The following LECT2 variants were observed in gnomAD, a reference collection of about 807,000 sequenced individuals.
LECT2 encodes the protein leukocyte cell derived chemotaxin 2.
LECT2 carries 11 observed loss-of-function variants against 16.6 expected under a neutral mutation model. The observed-to-expected ratio is 0.66, with a 90% CI of 0.42 to 1.09. The LOEUF is 1.09. LECT2 is among the 50% of genes least tolerant of loss of function. The pLI is 0.00. For missense variants in LECT2, 173 were observed against 184.2 expected, an observed-to-expected ratio of 0.94 and a Z score of 0.35; for synonymous variants, 54 against 64.8, an observed-to-expected ratio of 0.83 and a Z score of 0.80.
At chr5:135,953,204 CA>C in intron 1 of LECT2, 11 of 428,838 alleles carry the variant, frequency 2.6e-5, no homozygotes, top group South Asian at 5.9e-5. Flanking sequence ...TCAGTGAATA[CA>C]ATTTTTTTTT....
intron 3 of LECT2, among the ~76,000 whole-genome samples, chr5:135,949,809 G>C (rs1319772905): frequency 6.6e-6 from 1 of 152,164 alleles, no homozygotes; most frequent in Non-Finnish European, 1.5e-5. Flanking sequence ...ATCAGACCTG[G>C]AGCATTTCCA....
intron 1 of LECT2, among the ~76,000 whole-genome samples, chr5:135,954,401 A>T (rs1763832937): frequency 6.6e-6 from 1 of 152,232 alleles, no homozygotes; most frequent in African/African-American, 2.4e-5. Context: ...TAAGGGAGCC[A>T]TCCCTTTGTC....
intron 3 of LECT2, 51 bp downstream of exon 3, chr5:135,951,172 A>C: frequency 6.5e-7 from 1 of 1,538,168 alleles, no homozygotes; most frequent in Non-Finnish European, 9.0e-7. Context: ...TAAATAAATG[A>C]GCATCAACAT....
intron 2 of LECT2, among the ~76,000 whole-genome samples, chr5:135,952,073 T>C (rs1763803790): frequency 6.6e-6 from 1 of 152,212 alleles, no homozygotes; most frequent in African/African-American, 2.4e-5. Context: ...CTGAGCAAGC[T>C]CAAGAGCCAA....
chr5:135,948,597 TTAAA>T (rs1393199934), intron 3 of LECT2, among the ~76,000 whole-genome samples: 6 of 151,276 alleles, frequency 4.0e-5, no homozygotes, highest in Non-Finnish European at 5.9e-5. Context: ...AAATATTGAG[TTAAA>T]TAAAATACTA....
intron 3 of LECT2, chr5:135,950,828 C>T: frequency 4.1e-6 from 1 of 245,826 alleles, no homozygotes; most frequent in Non-Finnish European, 7.7e-6. Flanking sequence ...GGAATGCCTC[C>T]AATCAGCTGT....
chr5:135,953,613 G>T (rs1026142827), intron 1 of LECT2, among the ~76,000 whole-genome samples: 3 of 152,146 alleles, frequency 2.0e-5, no homozygotes, highest in African/African-American at 7.2e-5. Flanking sequence ...CTGCCATGGG[G>T]ATCATTATTT....
At chr5:135,950,593 A>T (rs1273746103) in intron 3 of LECT2, among the ~76,000 whole-genome samples, 1 of 151,650 alleles carries the variant, frequency 6.6e-6, no homozygotes, top group Non-Finnish European at 1.5e-5. Flanking sequence ...TTATACCTTG[A>T]TGGAGTAACC....
chr5:135,949,893 G>A (rs1051875010), intron 3 of LECT2, among the ~76,000 whole-genome samples: 9 of 152,220 alleles, frequency 5.9e-5, no homozygotes, highest in Admixed American at 5.9e-4. Flanking sequence ...TTACTAGCCA[G>A]TGTCACAAAT....
chr5:135,951,907 T>C (rs142283893), intron 2 of LECT2, among the ~76,000 whole-genome samples: 167 of 152,318 alleles, frequency 1.1e-3, no homozygotes, highest in African/African-American at 3.8e-3. Context: ...CTATTCTAGA[T>C]TGTGACGTGC....
intron 2 of LECT2, among the ~76,000 whole-genome samples, chr5:135,952,421 C>G (rs534075014): frequency 1.5e-4 from 23 of 152,280 alleles, no homozygotes; most frequent in African/African-American, 4.1e-4. Context: ...CATCCAGAGC[C>G]TGAGCCAGTA....
In LECT2 at chr5:135,954,655, T is replaced by C. The variant is rs565134635; in HGVS notation, c.46+133A>G. 3 of 660,174 alleles carry C rather than the reference T, an allele frequency of 4.5e-6. No individual in the cohort carries two copies. In the East Asian group the frequency reaches 8.2e-5, roughly 18 times the overall value. 40.9% of individuals were successfully genotyped at this position (660,174 alleles called of 1,614,324 possible). On this transcript the variant is annotated intron_variant, in intron 1 of 3. Coordinates refer to ENST00000274507, the MANE Select transcript of LECT2 (RefSeq NM_002302.3). ...CCTCAGGACCATGTGTCATTCCTATTTCATTTTTAATAGCCAAATACACAA... is the reference window on the plus strand; with the variant it reads ...CCTCAGGACCATGTGTCATTCCTATCTCATTTTTAATAGCCAAATACACAA...
intron 1 of LECT2, among the ~76,000 whole-genome samples, chr5:135,953,644 A>G (rs1763825078): frequency 6.6e-6 from 1 of 152,244 alleles, no homozygotes; most frequent in African/African-American, 2.4e-5. Context: ...CAAAAATAAT[A>G]AAATAGCATG....
intron 1 of LECT2, among the ~76,000 whole-genome samples, chr5:135,953,290 CT>C (rs1763821452): frequency 6.6e-6 from 1 of 152,072 alleles, no homozygotes; most frequent in Admixed American, 6.5e-5. Flanking sequence ...CAACCTCCAT[CT>C]CCTGGGTTCA....
In LECT2 at chr5:135,947,090, A is replaced by G. The variant is rs1196247674; in HGVS notation, c.*241T>C. On this transcript the variant is annotated 3_prime_UTR_variant, in exon 4 of 4. Transcript: ENST00000274507. The stretch of plus-strand genomic sequence containing the variant: ...CTTGCATTTATCATGTTTCTATTTA[A>G]ACTCAAATTTCCTTTTTTTAATTAA... The G allele has an allele frequency of 2.5e-5, 8 of 324,456 alleles. No homozygotes were observed. Among genetic ancestry groups the G allele is most frequent in the Non-Finnish European group, 4.5e-5 (8 of 179,514 alleles). 20.1% of individuals were successfully genotyped at this position (324,456 alleles called of 1,614,324 possible).
At chr5:135,951,417 C>G (rs1484303662) in intron 2 of LECT2, 49 bp from the exon 3 acceptor site, 6 of 1,545,820 alleles carry the variant, frequency 3.9e-6, no homozygotes, top group Non-Finnish European at 3.5e-6. Flanking sequence ...CTTAGGGGAG[C>G]TTTACTGCCT....
chr5:135,947,570 T>A, intron 3 of LECT2, 73 bp from the exon 4 acceptor site: 14 of 1,366,288 alleles, frequency 1.0e-5, no homozygotes, highest in South Asian at 3.7e-5. Context: ...AAATAACAAA[T>A]GGACAAAAAA....
chr5:135,953,109 G>A (rs542996248), intron 1 of LECT2, 142 bp from the exon 2 acceptor site: 141 of 569,136 alleles, frequency 2.5e-4, no homozygotes, highest in African/African-American at 2.2e-3. Context: ...TGGGAAGATC[G>A]TCCTTCCAGA....
At chr5:135,948,062 A>C (rs1049283626) in intron 3 of LECT2, among the ~76,000 whole-genome samples, 14 of 152,216 alleles carry the variant, frequency 9.2e-5, no homozygotes, top group African/African-American at 3.1e-4. Flanking sequence ...AGCGATTGAA[A>C]AGGCTGAAAG....
Sources: gnomAD v4.1 joint callset for allele counts (sites outside exome capture counted in the v4.1 genomes callset) on GRCh38, gnomAD v4.1.1 for gene constraint, MANE v1.5 for transcripts, NCBI Gene and HGNC (gene_info 2026-07-23, HGNC 2026-07-21) for gene names.